The following RNF220 variants were observed in gnomAD, a reference collection of about 807,000 sequenced individuals.
RNF220 encodes the protein E3 ubiquitin-protein ligase RNF220.
In RNF220, 7 loss-of-function variants were observed where a neutral mutation model predicts 67.1. That is an observed-to-expected ratio of 0.10 (90% confidence interval 0.06 to 0.20). The LOEUF is 0.20. RNF220 is among the 10% of genes least tolerant of loss of function. The probability of loss-of-function intolerance (pLI) is 1.00; values close to 1 mark genes in which losing one functional copy is unlikely to be tolerated. For synonymous variants in RNF220, 270 were observed against 283.2 expected (o/e 0.95, Z 0.47); for missense variants, 565 against 740.3 (o/e 0.76, Z 2.75).
chr1:44,407,276 G>A (rs1024429713), intron 1 of RNF220, among the ~76,000 whole-genome samples: 2 of 152,146 alleles, frequency 1.3e-5, no homozygotes, highest in African/African-American at 2.4e-5. Context: ...GGGCAAAGGG[G>A]AGAGAAAGGA....
intron 2 of RNF220, among the ~76,000 whole-genome samples, chr1:44,596,731 G>A (rs1666522796): frequency 6.6e-6 from 1 of 152,198 alleles, no homozygotes; most frequent in Non-Finnish European, 1.5e-5. Flanking sequence ...CTGGCCCAGG[G>A]AGGAGAGAAG....
rs754953869 is a variant in RNF220 at position 44,649,847 on chromosome 1, C to G, written c.1555-36C>G. On this transcript the variant is annotated intron_variant, in intron 13 of 14. Coordinates refer to ENST00000361799, the MANE Select transcript of RNF220 (RefSeq NM_018150.4). The surrounding 1 kb of genome is among the most constrained non-coding windows in gnomAD (Gnocchi z 5.9). ...GGGGAGTTGGAGAGGGTGGGCCTAC[C>G]TCAGAGTGACCCCTTCTCTGCCCCC... is the stretch of plus-strand genomic sequence containing the variant. The G allele has an allele frequency of 3.7e-6, 6 of 1,613,748 alleles. No homozygotes were observed. The highest frequency in any genetic ancestry group is 5.1e-6 in the Non-Finnish European group (6 of 1,179,738).
At chr1:44,496,025 A>G (rs913298046) in intron 2 of RNF220, among the ~76,000 whole-genome samples, 5 of 152,342 alleles carry the variant, frequency 3.3e-5, no homozygotes, top group Non-Finnish European at 7.3e-5. Context: ...TAAGAAGCTT[A>G]CACTGAATCC....
At chr1:44,463,557 T>A (rs903946290) in intron 2 of RNF220, among the ~76,000 whole-genome samples, 2 of 151,846 alleles carry the variant, frequency 1.3e-5, no homozygotes, top group African/African-American at 4.8e-5. Context: ...TTTAAGAGAG[T>A]CCTCAAAGTC....
chr1:44,435,893 T>C (rs1650915995), intron 2 of RNF220, among the ~76,000 whole-genome samples: 1 of 151,778 alleles, frequency 6.6e-6, no homozygotes, highest in African/African-American at 2.4e-5. Context: ...TTGCACTCCG[T>C]CTTGGGTGAC....
chr1:44,461,208 C>A (rs144108732), intron 2 of RNF220, among the ~76,000 whole-genome samples: 2 of 152,004 alleles, frequency 1.3e-5, no homozygotes, highest in African/African-American at 4.8e-5. Flanking sequence ...ATTGATGGTG[C>A]CTACACCAAG....
At chr1:44,497,673 G>A (rs1001773683) in intron 2 of RNF220, among the ~76,000 whole-genome samples, 2 of 152,142 alleles carry the variant, frequency 1.3e-5, no homozygotes, top group East Asian at 3.9e-4. Context: ...GACCTCGTGA[G>A]TATGTGATCA....
At chr1:44,477,008 C>A (rs1447843854) in intron 2 of RNF220, among the ~76,000 whole-genome samples, 1 of 152,152 alleles carries the variant, frequency 6.6e-6, no homozygotes, top group Non-Finnish European at 1.5e-5. Context: ...AGCAAGCAAC[C>A]TAATTCCTTG....
At chr1:44,406,538 G>C (rs1339676630) in intron 1 of RNF220, among the ~76,000 whole-genome samples, 2 of 152,234 alleles carry the variant, frequency 1.3e-5, no homozygotes, top group Non-Finnish European at 2.9e-5. Context: ...TTTCTCTTCT[G>C]ACTTAAGAAC....
chr1:44,626,408 G>T lies in RNF220; in HGVS notation c.906+10G>T, dbSNP rs1246774351. 1 of 1,607,162 alleles carries T rather than the reference G, an allele frequency of 6.2e-7. No homozygotes were observed. ...TTCAGACAGATACCAGGTGAGGAGG[G>T]GTGGTGAGTGGCCATGAGAAGCAAG... is the stretch of plus-strand genomic sequence containing the variant. On this transcript the variant is annotated intron_variant, in intron 5 of 14. Coordinates refer to ENST00000361799, the MANE Select transcript of RNF220 (RefSeq NM_018150.4).
At chr1:44,455,770 A>G (rs1653114837) in intron 2 of RNF220, among the ~76,000 whole-genome samples, 1 of 152,244 alleles carries the variant, frequency 6.6e-6, no homozygotes, top group African/African-American at 2.4e-5. Flanking sequence ...TCATAAAACT[A>G]CATAAATACA....
chr1:44,597,760 C>T (rs182699326), intron 2 of RNF220, among the ~76,000 whole-genome samples: 31 of 152,178 alleles, frequency 2.0e-4, no homozygotes, highest in Admixed American at 1.8e-3. Context: ...TTTTTTATTT[C>T]TCCTTGCACA....
At chr1:44,487,671 AAAAT>A (rs2148041466) in intron 2 of RNF220, among the ~76,000 whole-genome samples, 1 of 139,582 alleles carries the variant, frequency 7.2e-6, no homozygotes, top group South Asian at 2.5e-4. Flanking sequence ...CATCTCTACT[AAAAT>A]AATAATAATA....
intron 8 of RNF220, chr1:44,638,223 T>A (rs1644384981): frequency 6.6e-6 from 1 of 152,254 alleles, no homozygotes; most frequent in Non-Finnish European, 1.5e-5. Flanking sequence ...AGCGCATTGA[T>A]CGCCCGCCGG....
chr1:44,645,597 C>A lies in RNF220; in HGVS notation c.1445+109C>A. 1 of 1,070,960 alleles carries A rather than the reference C, an allele frequency of 9.3e-7. No individual in the cohort carries two copies. Among genetic ancestry groups the A allele is most frequent in the Non-Finnish European group, 1.4e-6 (1 of 717,866 alleles). 66.3% of individuals were successfully genotyped at this position (1,070,960 alleles called of 1,614,324 possible). On this transcript the variant is annotated intron_variant, in intron 12 of 14. Coordinates refer to ENST00000361799, the MANE Select transcript of RNF220 (RefSeq NM_018150.4). The surrounding 1 kb of genome is among the most constrained non-coding windows in gnomAD (Gnocchi z 5.0). ...GGGCTTCTGGCCCTCCCAAGTGCAGCTCAGTGCTGCTGCCCTGGGCACACG... is the reference window on the plus strand; with the variant it reads ...GGGCTTCTGGCCCTCCCAAGTGCAGATCAGTGCTGCTGCCCTGGGCACACG...
chr1:44,626,272 C>T, intron 4 of RNF220, 25 bp from the exon 5 acceptor site: 1 of 1,588,460 alleles, frequency 6.3e-7, no homozygotes, highest in East Asian at 2.2e-5. Context: ...TGGCCTGAGG[C>T]CACATGTCTT....
intron 2 of RNF220, among the ~76,000 whole-genome samples, chr1:44,528,275 G>A (rs1660552074): frequency 6.6e-6 from 1 of 151,514 alleles, no homozygotes; most frequent in African/African-American, 2.4e-5. Flanking sequence ...AATTAAATGA[G>A]GTGATATTTT....
At chr1:44,421,979 T>C (rs905170931) in intron 2 of RNF220, among the ~76,000 whole-genome samples, 3 of 152,190 alleles carry the variant, frequency 2.0e-5, no homozygotes, top group African/African-American at 7.2e-5. Flanking sequence ...TATCAACTCC[T>C]TCATGGCTCC....
chr1:44,429,387 C>T (rs1166750246), intron 2 of RNF220, among the ~76,000 whole-genome samples: 5 of 152,288 alleles, frequency 3.3e-5, no homozygotes, highest in Non-Finnish European at 5.9e-5. Context: ...TCAGGTGTCC[C>T]TATTAACATT....
Sources: allele counts gnomAD v4.1 joint callset (sites outside exome capture counted in the v4.1 genomes callset), GRCh38; gene constraint gnomAD v4.1.1; non-coding constraint Gnocchi (gnomAD v3.1); transcripts MANE v1.5; gene names NCBI Gene and HGNC (gene_info 2026-07-23, HGNC 2026-07-21).